Variants in RAB3GAP2 observed in about 807,000 individuals in gnomAD.
RAB3GAP2 encodes the protein RAB3 GTPase activating non-catalytic protein subunit 2.
RAB3GAP2 carries 87 observed loss-of-function variants against 185.3 expected under a neutral mutation model. The ratio of observed to expected loss-of-function variants is 0.47; its 90% CI spans 0.39 to 0.56. The LOEUF (loss-of-function observed/expected upper bound fraction) is 0.56, where lower values mean the gene tolerates loss of function less well. RAB3GAP2 is among the 20% of genes least tolerant of loss of function. The pLI, the probability that RAB3GAP2 is intolerant of heterozygous loss-of-function variation, is 0.00. For missense variants in RAB3GAP2, 1,492 were observed against 1,638.2 expected (o/e 0.91, Z 1.54); for synonymous variants, 554 against 576.1 (o/e 0.96, Z 0.55).
chr1:220,225,484 A>G (rs1467832513), intron 2 of RAB3GAP2, among the ~76,000 whole-genome samples: 1 of 152,154 alleles, frequency 6.6e-6, no homozygotes, highest in Non-Finnish European at 1.5e-5. Flanking sequence ...CTGTGCATTG[A>G]AAGATGCTTA....
At chr1:220,228,554 AG>A (rs931748129) in intron 2 of RAB3GAP2, among the ~76,000 whole-genome samples, 8 of 152,136 alleles carry the variant, frequency 5.3e-5, no homozygotes, top group African/African-American at 1.4e-4. Context: ...CCTTTAGCAA[AG>A]ATGTCTTTTA....
intron 21 of RAB3GAP2, among the ~76,000 whole-genome samples, chr1:220,176,497 C>T (rs1057079225): frequency 6.6e-6 from 1 of 152,184 alleles, no homozygotes; most frequent in Non-Finnish European, 1.5e-5. Flanking sequence ...CATGATCCTG[C>T]CACCAAAACC....
At chr1:220,266,608 G>T in intron 1 of RAB3GAP2, 1 of 1,068,842 alleles carries the variant, frequency 9.4e-7, no homozygotes, top group Non-Finnish European at 1.4e-6. Flanking sequence ...GTTCTAGATT[G>T]AGGGCAGCAG....
intron 1 of RAB3GAP2, among the ~76,000 whole-genome samples, chr1:220,252,361 G>A (rs1475728251): frequency 6.6e-6 from 1 of 152,142 alleles, no homozygotes; most frequent in Non-Finnish European, 1.5e-5. Context: ...GTATGTGTGT[G>A]TTGACTGAGC....
At chr1:220,245,724 C>A (rs1380470557) in intron 1 of RAB3GAP2, among the ~76,000 whole-genome samples, 2 of 152,038 alleles carry the variant, frequency 1.3e-5, no homozygotes, top group Non-Finnish European at 2.9e-5. Flanking sequence ...AGGGCACAGA[C>A]AAACAAAAAG....
intron 18 of RAB3GAP2, among the ~76,000 whole-genome samples, chr1:220,184,815 C>T (rs1242986935): frequency 6.6e-6 from 1 of 151,588 alleles, no homozygotes; most frequent in Non-Finnish European, 1.5e-5. Context: ...GTATACCACG[C>T]TTTTTAAAAG....
chr1:220,173,985 A>C (rs1313361181), intron 21 of RAB3GAP2, among the ~76,000 whole-genome samples: 1 of 147,978 alleles, frequency 6.8e-6, no homozygotes, highest in Non-Finnish European at 1.5e-5. Context: ...ATGCCACTGA[A>C]CTCTGGCCTG....
Position 220,151,591 on chromosome 1 carries a change from T to C in RAB3GAP2, c.4026+15A>G. On this transcript the variant is annotated intron_variant, in intron 34 of 34. Coordinates refer to ENST00000358951, the MANE Select transcript of RAB3GAP2 (RefSeq NM_012414.4). Reference sequence around the variant, plus strand: ...TCCAATGACCTTTTGCCTGATCTCGTTCTATTGTACTGACCATTGCTTTCA... The same window carrying C: ...TCCAATGACCTTTTGCCTGATCTCGCTCTATTGTACTGACCATTGCTTTCA... 1 of 1,604,760 alleles carries C rather than the reference T, an allele frequency of 6.2e-7. No individual in the cohort carries two copies. The highest frequency in any genetic ancestry group is 8.5e-7 in the Non-Finnish European group (1 of 1,171,424).
intron 24 of RAB3GAP2, among the ~76,000 whole-genome samples, chr1:220,169,606 CT>C (rs1171860878): frequency 6.6e-6 from 1 of 152,114 alleles, no homozygotes; most frequent in African/African-American, 2.4e-5. Context: ...TAACTAAAAT[CT>C]AGGAAGCAAA....
intron 27 of RAB3GAP2, among the ~76,000 whole-genome samples, chr1:220,163,571 C>T (rs966727368): frequency 3.3e-5 from 5 of 150,964 alleles, no homozygotes; most frequent in Admixed American, 6.6e-5. Context: ...ACCATGTTAG[C>T]CAGGATGGTC....
chr1:220,190,903 A>G (rs1448085058), intron 14 of RAB3GAP2, among the ~76,000 whole-genome samples, 165 bp downstream of exon 14: 3 of 151,864 alleles, frequency 2.0e-5, no homozygotes, highest in Non-Finnish European at 4.4e-5. Context: ...TTTTGTTATT[A>G]AATACTTAAG....
At chr1:220,193,148 G>T in intron 13 of RAB3GAP2, 92 bp downstream of exon 13, 1 of 1,485,648 alleles carries the variant, frequency 6.7e-7, no homozygotes, top group Non-Finnish European at 9.3e-7. Flanking sequence ...ATTAAACAGA[G>T]TTATCATCCA....
At position 220,151,209 on chromosome 1, in the gene RAB3GAP2, A is replaced by T; in HGVS notation, c.*42T>A. ...ATGTAAAATAACCATGCACTACTTC[A>T]TGTTATAATCATAATTTTAGACTAT... On this transcript the variant is annotated 3_prime_UTR_variant, in exon 35 of 35. Coordinates refer to ENST00000358951, the MANE Select transcript of RAB3GAP2 (RefSeq NM_012414.4). 1 of 1,586,474 alleles carries T rather than the reference A, an allele frequency of 6.3e-7. No individual in the cohort carries two copies. Among genetic ancestry groups the T allele is most frequent in the East Asian group, 2.2e-5 (1 of 44,726 alleles).
chr1:220,183,914 G>A, intron 19 of RAB3GAP2, 122 bp downstream of exon 19: 1 of 821,796 alleles, frequency 1.2e-6, no homozygotes, highest in African/African-American at 1.7e-5. Context: ...GCTTGGTAAG[G>A]AAAATATACC....
Position 220,172,037 on chromosome 1 carries a change from T to C in RAB3GAP2, c.2429A>G (p.Glu810Gly). The C allele has an allele frequency of 1.2e-6, 2 of 1,614,158 alleles. No individual in the cohort carries two copies. The highest frequency in any genetic ancestry group is 3.3e-4 in the Middle Eastern group (2 of 6,060). ...GGACACAGACTGAGAATCCCAGGTCTCATCGATGGCCACTATAGGGATAGG... is the reference window on the plus strand; with the variant it reads ...GGACACAGACTGAGAATCCCAGGTCCCATCGATGGCCACTATAGGGATAGG... ...LLSKMKVAID[E>G]TWDSQSVSPW... Residue 810 changes from glutamate (E) to glycine (G), a missense_variant, in exon 23 of 35, where the codon GAG becomes GGG. Coordinates refer to ENST00000358951, the MANE Select transcript of RAB3GAP2 (RefSeq NM_012414.4).
chr1:220,271,781 G>A (rs1233658489), intron 1 of RAB3GAP2, among the ~76,000 whole-genome samples: 1 of 152,050 alleles, frequency 6.6e-6, no homozygotes, highest in African/African-American at 2.4e-5. Flanking sequence ...AGTGGGAGCT[G>A]GGGCAATACC....
At chr1:220,247,419 A>C (rs183757664) in intron 1 of RAB3GAP2, among the ~76,000 whole-genome samples, 128 of 152,330 alleles carry the variant, frequency 8.4e-4, no homozygotes, top group African/African-American at 3.0e-3. Flanking sequence ...AATATCACTC[A>C]GCTATATTAA....
In RAB3GAP2 at chr1:220,148,476, T is replaced by A. The variant is rs1182189779; in HGVS notation, c.*2775A>T. The stretch of plus-strand genomic sequence containing the variant: ...TGGCTAATTCTATTCAGCAGGAATC[T>A]AACTTCTAGACACCCAGCAAACCCA... On this transcript the variant is annotated 3_prime_UTR_variant, in exon 35 of 35. Transcript: ENST00000358951. 6.6e-6 allele frequency: 1 copy of A among 152,194 alleles called. No individual in the cohort carries two copies. The highest frequency in any genetic ancestry group is 1.5e-5 in the Non-Finnish European group (1 of 68,012). The allele number at this position is 152,194 out of a possible 1,614,324, so 9.4% of individuals were successfully genotyped here. A position where few individuals can be genotyped will look rare whatever the true frequency, so the allele number is the denominator to read the frequency against.
chr1:220,213,994 A>G lies in RAB3GAP2; in HGVS notation c.181-15T>C. On this transcript the variant is annotated splice_polypyrimidine_tract_variant and intron_variant, in intron 2 of 34. Coordinates refer to ENST00000358951, the MANE Select transcript of RAB3GAP2 (RefSeq NM_012414.4). ...CCTTCTTCTTCCTGTGGGTAAAACT[A>G]CAATTACTGCATATGCAAAAATACC... 3 of 1,612,722 alleles carry G rather than the reference A, an allele frequency of 1.9e-6. No homozygotes were observed. The highest frequency in any genetic ancestry group is 2.5e-6 in the Non-Finnish European group (3 of 1,179,000).
Sources: allele counts gnomAD v4.1 joint callset (sites outside exome capture counted in the v4.1 genomes callset), GRCh38; gene constraint gnomAD v4.1.1; transcripts MANE v1.5; gene names NCBI Gene and HGNC (gene_info 2026-07-23, HGNC 2026-07-21).